The following FRMPD1 variants were observed in gnomAD, a reference collection of about 807,000 sequenced individuals.
FRMPD1 encodes FERM and PDZ domain-containing protein 1.
In FRMPD1, 76 loss-of-function variants were observed where a neutral mutation model predicts 117.8. That is an observed-to-expected ratio of 0.65 (90% CI 0.54 to 0.78). The LOEUF (loss-of-function observed/expected upper bound fraction) is 0.78. Among genes scored for constraint, FRMPD1 ranks in the 30% least tolerant of loss-of-function variants. The pLI, the probability that FRMPD1 is intolerant of heterozygous loss-of-function variation, is 0.00. For missense variants in FRMPD1, 1,786 were observed against 1,964.5 expected (o/e 0.91, Z 1.72); for synonymous variants, 783 against 770.4 (o/e 1.02, Z -0.27).
intron 2 of FRMPD1, among the ~76,000 whole-genome samples, chr9:37,697,423 C>T (rs559911189): frequency 6.5e-4 from 98 of 151,934 alleles, no homozygotes; most frequent in Admixed American, 1.6e-3. Context: ...AAAAATTAGC[C>T]GGGCGTGGTG....
At chr9:37,646,671 A>G (rs1824146455), upstream of FRMPD1, among the ~76,000 whole-genome samples, 1 of 152,228 alleles carries the variant, frequency 6.6e-6, no homozygotes, top group Admixed American at 6.5e-5. Flanking sequence ...TTTTTTAACC[A>G]TAAGGAATTT....
chr9:37,647,215 T>A (rs1824155007), upstream of FRMPD1, among the ~76,000 whole-genome samples: 2 of 151,984 alleles, frequency 1.3e-5, no homozygotes, highest in South Asian at 4.2e-4. Flanking sequence ...AAACAGAGAT[T>A]GAAAGTAATC....
At chr9:37,737,281 CT>C in intron 14 of FRMPD1, 38 bp downstream of exon 14, 1 of 1,604,244 alleles carries the variant, frequency 6.2e-7, no homozygotes, top group Non-Finnish European at 8.5e-7. Flanking sequence ...GGACAGGCCC[CT>C]TTCACTGGCC....
intron 1 of FRMPD1, 28 bp from the exon 2 acceptor site, chr9:37,692,610 A>C (rs375309804): frequency 2.5e-4 from 348 of 1,417,938 alleles, no homozygotes; most frequent in Non-Finnish European, 3.3e-4. Flanking sequence ...TTTGGTTAGC[A>C]TCTTAAGAAC....
At chr9:37,640,780 A>G in the FRMPD1 span, among the ~76,000 whole-genome samples, 1 of 152,256 alleles carries the variant, frequency 6.6e-6, no homozygotes, top group Non-Finnish European at 1.5e-5. Context: ...CAGGTTAATC[A>G]GCATGTGTAC....
chr9:37,705,901 A>C (rs1489677841), intron 2 of FRMPD1, among the ~76,000 whole-genome samples: 4 of 151,938 alleles, frequency 2.6e-5, no homozygotes, highest in African/African-American at 9.7e-5. Flanking sequence ...CGCTTGAACC[A>C]GTGAGCTGAG....
At chr9:37,673,280 G>A (rs1821416812) in intron 1 of FRMPD1, among the ~76,000 whole-genome samples, 2 of 152,172 alleles carry the variant, frequency 1.3e-5, no homozygotes, top group African/African-American at 4.8e-5. Context: ...AAATCCAGTG[G>A]AGCAGTCAAA....
the FRMPD1 span, among the ~76,000 whole-genome samples, chr9:37,621,075 G>A: frequency 6.6e-6 from 1 of 152,168 alleles, no homozygotes; most frequent in Non-Finnish European, 1.5e-5. Context: ...GATGGAGAGG[G>A]AAGAAGGGAA....
Position 37,746,167 on chromosome 9 carries a change from C to T in FRMPD1, c.4135C>T (p.Pro1379Ser), listed in dbSNP as rs1269874021. The T allele has an allele frequency of 6.2e-7, 1 of 1,613,696 alleles. No homozygotes were observed. Among genetic ancestry groups the T allele is most frequent in the Non-Finnish European group, 8.5e-7 (1 of 1,179,942 alleles). Residue 1379 changes from proline to serine, a missense_variant, in exon 16 of 16, where the codon CCC becomes TCC. Transcript: ENST00000377765. Reference protein sequence around the residue: ...PPSAGSPVVLPWRPARAHSCT... With the variant: ...PPSAGSPVVLSWRPARAHSCT... Reference sequence around the variant, plus strand: ...CTCTGCGGGAAGCCCGGTGGTTCTGCCCTGGAGGCCTGCCCGAGCCCACAG... The same window carrying T: ...CTCTGCGGGAAGCCCGGTGGTTCTGTCCTGGAGGCCTGCCCGAGCCCACAG...
At chr9:37,699,268 T>C (rs749901457) in intron 2 of FRMPD1, among the ~76,000 whole-genome samples, 2 of 152,130 alleles carry the variant, frequency 1.3e-5, no homozygotes, top group Non-Finnish European at 2.9e-5. Flanking sequence ...ATCATTTTAT[T>C]ATACTATTAA....
At chr9:37,731,362 T>C (rs1218560094) in intron 9 of FRMPD1, among the ~76,000 whole-genome samples, 1 of 152,146 alleles carries the variant, frequency 6.6e-6, no homozygotes, top group African/African-American at 2.4e-5. Flanking sequence ...CATTTTAGGA[T>C]CTTTAGAATT....
At chr9:37,649,132 G>A (rs62534443), upstream of FRMPD1, among the ~76,000 whole-genome samples, 17,387 of 152,116 alleles carry the variant, frequency 0.11, 1,085 homozygotes, top group East Asian at 0.18. Context: ...TGTACTCACC[G>A]GACAAGAGAA....
chr9:37,644,551 C>A, the FRMPD1 span, among the ~76,000 whole-genome samples: 3 of 152,074 alleles, frequency 2.0e-5, no homozygotes, highest in Admixed American at 6.5e-5. Context: ...TGGAAGGTGG[C>A]CCCCCATCTT....
At chr9:37,737,912 T>C (rs1220243426) in intron 14 of FRMPD1, among the ~76,000 whole-genome samples, 1 of 152,146 alleles carries the variant, frequency 6.6e-6, no homozygotes, top group African/African-American at 2.4e-5. Flanking sequence ...TGACCTGGCT[T>C]CTCTTCCTTA....
chr9:37,623,969 G>C, the FRMPD1 span, among the ~76,000 whole-genome samples: 1 of 152,224 alleles, frequency 6.6e-6, no homozygotes, highest in Non-Finnish European at 1.5e-5. Flanking sequence ...GGGTGATGTG[G>C]GAGAGGTGCA....
upstream of FRMPD1, among the ~76,000 whole-genome samples, chr9:37,649,774 A>C (rs1393256251): frequency 6.6e-6 from 1 of 152,204 alleles, no homozygotes; most frequent in Non-Finnish European, 1.5e-5. Context: ...CTGCCAGTGC[A>C]CTGGGAACAC....
chr9:37,688,820 A>G (rs10814600), intron 1 of FRMPD1, among the ~76,000 whole-genome samples: 37,077 of 151,922 alleles, frequency 0.24, 4,702 homozygotes, highest in East Asian at 0.42. Flanking sequence ...GTGTAAGCAT[A>G]AAAAATGATG....
rs76037156 is a variant in FRMPD1, at chr9:37,680,399, A to G, written c.-4-12239A>G. ...TTTATTTTAATGTGCACCAAGAAAA[A>G]AACATATCCAGCATGATCAAACCTG... On this transcript the variant is annotated intron_variant, in intron 1 of 15. Transcript: ENST00000377765. 3.9e-3 allele frequency among the ~76,000 whole-genome samples: 588 copies of G among 152,356 alleles called. 4 individuals carry two copies. The highest frequency in any genetic ancestry group is 0.014 in the African/African-American group (572 of 41,578).
upstream of FRMPD1, among the ~76,000 whole-genome samples, chr9:37,648,648 GA>G (rs1289385538): frequency 2.0e-5 from 3 of 152,132 alleles, no homozygotes; most frequent in Non-Finnish European, 4.4e-5. Context: ...GAGTTGATTG[GA>G]CTTAGTGTCC....
Sources: gnomAD v4.1 joint callset for allele counts (sites outside exome capture counted in the v4.1 genomes callset) on GRCh38, gnomAD v4.1.1 for gene constraint, MANE v1.5 for transcripts, NCBI Gene and HGNC (gene_info 2026-07-23, HGNC 2026-07-21) for gene names.